PRCP: variants seen among roughly 807,000 people sequenced by gnomAD.
The protein encoded by PRCP is prolylcarboxypeptidase.
In PRCP, 46 loss-of-function variants were observed where a neutral mutation model predicts 54.2. That is an observed-to-expected ratio of 0.85 (90% CI 0.67 to 1.09). The LOEUF (loss-of-function observed/expected upper bound fraction) is 1.09. Ranked by LOEUF, PRCP falls within the 50% of genes least tolerant of loss-of-function variation. PRCP has a pLI of 0.00. For synonymous variants in PRCP, 240 were observed against 212.2 expected, an observed-to-expected ratio of 1.13 and a Z score of -1.14; for missense variants, 613 against 596.8, an observed-to-expected ratio of 1.03 and a Z score of -0.28.
chr11:82,832,904 A>T (rs1436503845), intron 8 of PRCP, among the ~76,000 whole-genome samples: 2 of 152,186 alleles, frequency 1.3e-5, no homozygotes, highest in African/African-American at 2.4e-5. Flanking sequence ...TTCTTCAGAA[A>T]AGTAGGAGAA....
At chr11:82,848,449 G>A (rs529883972) in intron 6 of PRCP, among the ~76,000 whole-genome samples, 12 of 90,270 alleles carry the variant, frequency 1.3e-4, no homozygotes, top group Admixed American at 6.3e-4. Flanking sequence ...AGAGGAAGAC[G>A]GGATGGGGAA....
intron 1 of PRCP, chr11:82,884,882 G>C (rs1859830497): frequency 1.2e-6 from 2 of 1,613,490 alleles, no homozygotes; most frequent in Non-Finnish European, 1.7e-6. Flanking sequence ...CCAGCAGCAA[G>C]GGCCTGCAGG....
chr11:82,864,464 G>A (rs1859284620), intron 1 of PRCP, among the ~76,000 whole-genome samples: 1 of 152,198 alleles, frequency 6.6e-6, no homozygotes, highest in African/African-American at 2.4e-5. Flanking sequence ...TTACAACACG[G>A]AAAGGTCACA....
upstream of PRCP, chr11:82,900,447 G>A (rs757747443): frequency 1.1e-5 from 17 of 1,595,030 alleles, no homozygotes; most frequent in Non-Finnish European, 1.3e-5. Flanking sequence ...GCGAAAAGGA[G>A]GCCAGCAGAA....
chr11:82,867,001 C>T (rs1456969363), intron 1 of PRCP, among the ~76,000 whole-genome samples: 3 of 152,188 alleles, frequency 2.0e-5, no homozygotes, highest in Non-Finnish European at 4.4e-5. Context: ...GGATTACAGG[C>T]ATGAGCCACC....
intron 1 of PRCP, among the ~76,000 whole-genome samples, chr11:82,866,929 C>A (rs1859350612): frequency 6.6e-6 from 1 of 151,994 alleles, no homozygotes; most frequent in African/African-American, 2.4e-5. Flanking sequence ...ACCATGTTGG[C>A]CAGGCTGGTC....
At chr11:82,846,265 G>A (rs925193347) in intron 6 of PRCP, 1 of 152,036 alleles carries the variant, frequency 6.6e-6, no homozygotes, top group Non-Finnish European at 1.5e-5. Context: ...GGGATTAGTG[G>A]GTTGGGAGAA....
chr11:82,838,653 G>T, intron 7 of PRCP, 79 bp from the exon 8 acceptor site: 3 of 1,422,532 alleles, frequency 2.1e-6, no homozygotes, highest in Admixed American at 2.0e-5. Context: ...AAGTCATAAT[G>T]CTGGTAAGTA....
At chr11:82,886,836 C>A (rs1233983417) in intron 1 of PRCP, among the ~76,000 whole-genome samples, 1 of 152,148 alleles carries the variant, frequency 6.6e-6, no homozygotes, top group Non-Finnish European at 1.5e-5. Context: ...AAGATGAATA[C>A]AAAACAACCA....
chr11:82,881,588 A>G (rs1270759898), intron 1 of PRCP, among the ~76,000 whole-genome samples: 1 of 152,238 alleles, frequency 6.6e-6, no homozygotes, highest in East Asian at 1.9e-4. Context: ...CCTGGGCTGA[A>G]TCTAAAAGAA....
At chr11:82,834,810 C>T (rs1858477976) in intron 8 of PRCP, among the ~76,000 whole-genome samples, 2 of 152,188 alleles carry the variant, frequency 1.3e-5, no homozygotes, top group African/African-American at 4.8e-5. Context: ...CACAGTGGCT[C>T]ATGCCTGTAA....
At chr11:82,853,319 T>C in intron 2 of PRCP, 41 bp from the exon 3 acceptor site, 2 of 1,543,348 alleles carry the variant, frequency 1.3e-6, no homozygotes, top group Non-Finnish European at 1.8e-6. Flanking sequence ...AATCAGAATG[T>C]GAAAAAAAGT....
At chr11:82,872,854 A>T (rs1046563825) in intron 1 of PRCP, among the ~76,000 whole-genome samples, 1 of 152,230 alleles carries the variant, frequency 6.6e-6, no homozygotes, top group East Asian at 1.9e-4. Flanking sequence ...AAGGAGCCAG[A>T]CAAAGAAAGA....
intron 1 of PRCP, among the ~76,000 whole-genome samples, chr11:82,882,584 C>T (rs1053745458): frequency 8.1e-5 from 12 of 148,420 alleles, no homozygotes; most frequent in Non-Finnish European, 1.5e-4. Flanking sequence ...CAAGCTCCGC[C>T]TCCCGGGTTC....
At chr11:82,833,817 T>C (rs1263752908) in intron 8 of PRCP, among the ~76,000 whole-genome samples, 1 of 152,188 alleles carries the variant, frequency 6.6e-6, no homozygotes, top group African/African-American at 2.4e-5. Flanking sequence ...TAAGTAATTT[T>C]ACTCAAGACA....
At position 82,871,313 on chromosome 11, in the gene PRCP, C is replaced by T. The variant is rs187618969; in HGVS notation, c.169-11196G>A. ...TCCTGCCTCAGCCTCTGAGTAGCTG[C>T]GACTATGGGCGTGCCCCACCATTCC... is the stretch of plus-strand genomic sequence containing the variant. On this transcript the variant is annotated intron_variant, in intron 1 of 8. Transcript: ENST00000313010. 4.7e-3 allele frequency among the ~76,000 whole-genome samples: 717 copies of T among 151,448 alleles called. 2 individuals carry two copies. The highest frequency in any genetic ancestry group is 9.2e-3 in the South Asian group (44 of 4,790).
chr11:82,849,268 T>A, intron 5 of PRCP, 50 bp from the exon 6 acceptor site: 3 of 1,579,524 alleles, frequency 1.9e-6, no homozygotes, highest in Non-Finnish European at 2.6e-6. Flanking sequence ...GGTCAACAGA[T>A]GTCTTTACAG....
chr11:82,851,959 C>G (rs1374885293), intron 3 of PRCP, among the ~76,000 whole-genome samples: 3 of 152,056 alleles, frequency 2.0e-5, no homozygotes, highest in African/African-American at 7.2e-5. Context: ...TTTTTCTAAT[C>G]CTTGCATAAT....
At chr11:82,864,410 C>A (rs909852015) in intron 1 of PRCP, among the ~76,000 whole-genome samples, 4 of 152,190 alleles carry the variant, frequency 2.6e-5, no homozygotes, top group African/African-American at 4.8e-5. Context: ...GTGGGACCCA[C>A]GTGCCACTCC....
Sources: gnomAD v4.1 joint callset for allele counts (sites outside exome capture counted in the v4.1 genomes callset) on GRCh38, gnomAD v4.1.1 for gene constraint, MANE v1.5 for transcripts, NCBI Gene and HGNC (gene_info 2026-07-23, HGNC 2026-07-21) for gene names.